TTI1: variants seen among roughly 807,000 people sequenced by gnomAD.
TTI1 encodes TELO2-interacting protein 1 homolog.
In TTI1, 52 loss-of-function variants were observed where a neutral mutation model predicts 85.4. That is an observed-to-expected ratio of 0.61 (90% CI 0.49 to 0.77). The LOEUF (loss-of-function observed/expected upper bound fraction) is 0.77, where lower values mean the gene tolerates loss of function less well. TTI1 is among the 30% of genes least tolerant of loss of function. The pLI, the probability that TTI1 is intolerant of heterozygous loss-of-function variation, is 0.00. For synonymous variants in TTI1, 512 were observed against 503.9 expected (o/e 1.02, Z -0.22); for missense variants, 1,173 against 1,296.0 (o/e 0.91, Z 1.46).
intron 1 of TTI1, among the ~76,000 whole-genome samples, chr20:38,023,328 TTAAC>T (rs2073794274): frequency 6.6e-6 from 1 of 152,202 alleles, no homozygotes; most frequent in African/African-American, 2.4e-5. Flanking sequence ...GAGGAACAAT[TTAAC>T]TACAGATTCC....
intron 3 of TTI1, 68 bp downstream of exon 3, chr20:38,006,129 G>A (rs895427301): frequency 6.2e-5 from 97 of 1,571,334 alleles, no homozygotes; most frequent in Non-Finnish European, 8.2e-5. Flanking sequence ...CTGTAATGAT[G>A]TTTCACCATT....
In TTI1 at chr20:37,983,594, G is replaced by C. The variant is rs2073151138; in HGVS notation, c.3132C>G (p.Phe1044Leu). 6.4e-7 allele frequency: 1 copy of C among 1,562,240 alleles called. No individual in the cohort carries two copies. Among genetic ancestry groups the C allele is most frequent in the Non-Finnish European group, 8.7e-7 (1 of 1,153,870 alleles). ...CGGGGCAGTAAAGCTCGTTCAGGAG[G>C]AACCAGGTGGAGTCTGGGTCCACCT... Reference protein sequence around the residue: ...LMKVDPDSTWFLLNELYCPVQ... With the variant: ...LMKVDPDSTWLLLNELYCPVQ... The change falls in exon 8 of 8, where the codon TTC (phenylalanine) becomes TTG (leucine). Residue 1044 changes from phenylalanine to leucine, a missense_variant. Coordinates refer to ENST00000373447, the MANE Select transcript of TTI1 (RefSeq NM_001303457.2).
chr20:38,025,086 G>A lies in TTI1; in HGVS notation c.-42+8318C>T, dbSNP rs144584118. 3.4e-3 allele frequency among the ~76,000 whole-genome samples: 525 copies of A among 152,272 alleles called. 2 individuals are homozygous for A. Among genetic ancestry groups the A allele is most frequent in the African/African-American group, 0.012 (496 of 41,550 alleles). ...CTTGGACTTCTACCTCCACCTGGCA[G>A]TGATGAGGTACGGACCCCCTTCTCC... On this transcript the variant is annotated intron_variant, in intron 1 of 7. Coordinates refer to ENST00000373447, the MANE Select transcript of TTI1 (RefSeq NM_001303457.2).
At chr20:38,011,463 A>T in intron 2 of TTI1, 52 bp downstream of exon 2, 1 of 1,572,192 alleles carries the variant, frequency 6.4e-7, no homozygotes, top group Non-Finnish European at 8.6e-7. Context: ...GCAAACTAGG[A>T]GACTGAGTCC....
intron 7 of TTI1, among the ~76,000 whole-genome samples, chr20:37,992,275 ATCT>A (rs374546099): frequency 3.2e-4 from 48 of 150,612 alleles, no homozygotes; most frequent in South Asian, 6.3e-4. Flanking sequence ...CACTGACTTC[ATCT>A]TCTTCTTTTT....
At position 38,011,548 on chromosome 20, in the gene TTI1, C is replaced by G. The variant is rs1298662480; in HGVS notation, c.2269G>C (p.Val757Leu). The G allele has an allele frequency of 6.2e-7, 1 of 1,614,162 alleles. No homozygotes were observed. The highest frequency in any genetic ancestry group is 1.3e-5 in the African/African-American group (1 of 75,042). ...GCCATCAGAGCATGCAGAACGCTGA[C>G]AAAGGAAGCAGCTCTCTTATCGTAA... ...QFYDKRAASF[V>L]SVLHALMAAL... The change falls in exon 2 of 8, where the codon GTC becomes CTC. Residue 757 changes from valine (V) to leucine (L), a missense_variant. By Grantham distance (32) the Val-to-Leu change is conservative. Coordinates refer to ENST00000373447, the MANE Select transcript of TTI1 (RefSeq NM_001303457.2).
At chr20:37,987,552 G>C (rs2073208311) in intron 7 of TTI1, 2 of 360,802 alleles carry the variant, frequency 5.5e-6, no homozygotes, top group Non-Finnish European at 1.1e-5. Flanking sequence ...CAGTTATCAA[G>C]AGATTATCTG....
intron 5 of TTI1, among the ~76,000 whole-genome samples, chr20:37,997,578 C>G (rs753900680): frequency 5.1e-4 from 78 of 152,268 alleles, no homozygotes; most frequent in South Asian, 8.3e-4. Flanking sequence ...CTTTCTCTAG[C>G]AGAACATATT....
intron 1 of TTI1, among the ~76,000 whole-genome samples, chr20:38,022,186 T>C (rs78570458): frequency 6.6e-6 from 1 of 152,146 alleles, no homozygotes; most frequent in Non-Finnish European, 1.5e-5. Flanking sequence ...TCAGATGAAA[T>C]CATTTGGTCA....
In TTI1 at chr20:38,011,989, A is replaced by G. The variant is rs2073599854; in HGVS notation, c.1828T>C (p.Phe610Leu). Residue 610 changes from phenylalanine to leucine, a missense_variant, in exon 2 of 8, where the codon TTC (phenylalanine) becomes CTC (leucine). By Grantham distance (22) the Phe-to-Leu change is conservative. Coordinates refer to ENST00000373447, the MANE Select transcript of TTI1 (RefSeq NM_001303457.2). ...CAAATAGTGGGACTTGGCTTTGAGAAGGCTAGAAAAGATGTAACTTGGCAG... is the reference window on the plus strand; with the variant it reads ...CAAATAGTGGGACTTGGCTTTGAGAGGGCTAGAAAAGATGTAACTTGGCAG... ...HTCQVTSFLA[F>L]SKPSPTICSM... 1 of 1,614,118 alleles carries G rather than the reference A, an allele frequency of 6.2e-7. No individual in the cohort carries two copies. The highest frequency in any genetic ancestry group is 1.3e-5 in the African/African-American group (1 of 74,934).
intron 1 of TTI1, among the ~76,000 whole-genome samples, chr20:38,023,111 C>T (rs1161234619): frequency 6.6e-6 from 1 of 152,162 alleles, no homozygotes; most frequent in Non-Finnish European, 1.5e-5. Context: ...AAAAAACCCC[C>T]ATCATACATC....
intron 3 of TTI1, 35 bp from the exon 4 acceptor site, chr20:38,002,811 T>G: frequency 2.5e-6 from 4 of 1,606,134 alleles, no homozygotes; most frequent in Non-Finnish European, 3.4e-6. Flanking sequence ...CAGTGTTGTA[T>G]GAGTGATAAA....
At chr20:37,996,545 G>C (rs1391009063) in intron 6 of TTI1, 83 bp from the exon 7 acceptor site, 2 of 1,518,708 alleles carry the variant, frequency 1.3e-6, no homozygotes. Flanking sequence ...TGGAGAAACT[G>C]CAACAGCTAG....
At chr20:38,022,603 T>C (rs1218702739) in intron 1 of TTI1, among the ~76,000 whole-genome samples, 2 of 152,192 alleles carry the variant, frequency 1.3e-5, no homozygotes, top group East Asian at 1.9e-4. Context: ...ATGCTCTTCT[T>C]CTCTTGGGGT....
chr20:37,997,373 T>C (rs2073357523), intron 5 of TTI1, among the ~76,000 whole-genome samples: 1 of 152,080 alleles, frequency 6.6e-6, no homozygotes, highest in Non-Finnish European at 1.5e-5. Flanking sequence ...ACACAAATAC[T>C]ATGGTCCAGC....
intron 7 of TTI1, among the ~76,000 whole-genome samples, chr20:37,984,181 A>G (rs1277137267): frequency 6.6e-6 from 1 of 152,122 alleles, no homozygotes; most frequent in Non-Finnish European, 1.5e-5. Flanking sequence ...GTGAACAGAC[A>G]CTCATGGCTC....
chr20:38,013,366 A>C lies in TTI1; in HGVS notation c.451T>G (p.Leu151Val), dbSNP rs2073632914. 6.2e-7 allele frequency: 1 copy of C among 1,613,950 alleles called. No individual in the cohort carries two copies. The highest frequency in any genetic ancestry group is 1.1e-5 in the South Asian group (1 of 91,078). Residue 151 changes from leucine (L) to valine (V), a missense_variant, in exon 2 of 8, where the codon TTA (leucine) becomes GTA (valine). Transcript: ENST00000373447. ...TFYEPSILPR[L>V]GFAVSLLLGL... The stretch of plus-strand genomic sequence containing the variant: ...AACAGTAAAGATACAGCAAATCCTA[A>C]ACGTGGCAGAATGGAGGGCTCATAA...
In TTI1 at chr20:37,997,911, C is replaced by G. The variant is rs1288031448; in HGVS notation, c.2794-958G>C. Among the ~76,000 whole-genome samples the G allele has an allele frequency of 2.0e-5, 3 of 152,078 alleles. No individual in the cohort carries two copies. The East Asian group carries it at 5.8e-4, about 29-fold the overall frequency. On this transcript the variant is annotated intron_variant, in intron 5 of 7. Coordinates refer to ENST00000373447, the MANE Select transcript of TTI1 (RefSeq NM_001303457.2). ...ACATCTGGATAAGATTTAGCAATAC[C>G]ACCTCCCTCTCCCTTAATCTCTTTC...
intron 2 of TTI1, among the ~76,000 whole-genome samples, chr20:38,010,519 G>A (rs1184395382): frequency 7.5e-6 from 1 of 132,590 alleles, no homozygotes; most frequent in Non-Finnish European, 1.5e-5. Context: ...CACCCAGGCT[G>A]GAGTGCAGTG....
Sources: allele counts gnomAD v4.1 joint callset (sites outside exome capture counted in the v4.1 genomes callset), GRCh38; gene constraint gnomAD v4.1.1; transcripts MANE v1.5; gene names NCBI Gene and HGNC (gene_info 2026-07-23, HGNC 2026-07-21).